Variants in LHFPL6 observed in about 807,000 individuals in gnomAD.
LHFPL6 encodes the protein LHFPL tetraspan subfamily member 6.
In LHFPL6, 9 loss-of-function variants were observed where a neutral mutation model predicts 20.6. The observed-to-expected ratio is 0.44, with a 90% confidence interval of 0.26 to 0.76. LHFPL6 has a LOEUF of 0.76. Ranked by LOEUF, LHFPL6 falls within the 30% of genes least tolerant of loss-of-function variation. LHFPL6 has a pLI of 0.20. For missense variants in LHFPL6, 218 were observed against 253.5 expected, an observed-to-expected ratio of 0.86 and a Z score of 0.95; for synonymous variants, 105 against 98.7, an observed-to-expected ratio of 1.06 and a Z score of -0.38.
chr13:39,587,285 A>G (rs1872478334), intron 2 of LHFPL6, among the ~76,000 whole-genome samples: 1 of 152,118 alleles, frequency 6.6e-6, no homozygotes. Flanking sequence ...ATCTATTACC[A>G]TTCCCTGAAC....
In LHFPL6 at chr13:39,560,504, C is replaced by CTTTTTTTTTTT. The variant is rs376446144; in HGVS notation, c.385+40317_385+40327dup. Among the ~76,000 whole-genome samples, 13 of 118,176 alleles carry CTTTTTTTTTTT rather than the reference C, an allele frequency of 1.1e-4. 1 individual carries two copies. Among genetic ancestry groups the CTTTTTTTTTTT allele is most frequent in the South Asian group, 3.0e-4 (1 of 3,368 alleles). 77.5% of individuals were successfully genotyped at this position (118,176 alleles called of 152,430 possible). ...ATCTCCTTTGGGTTATGCAAATTCTCTTTTTTTTTTTTTTTTTTTTCTTTT... is the reference window on the plus strand; with the variant it reads ...ATCTCCTTTGGGTTATGCAAATTCTCTTTTTTTTTTTTTTTTTTTTTTTTTTTTTTTCTTTT... On this transcript the variant is annotated intron_variant, in intron 2 of 3. Transcript: ENST00000379589.
At chr13:39,450,580 TAGATTCTAAG>T (rs1872415301) in intron 2 of LHFPL6, among the ~76,000 whole-genome samples, 1 of 152,170 alleles carries the variant, frequency 6.6e-6, no homozygotes, top group Non-Finnish European at 1.5e-5. Context: ...TATCCATGCT[TAGATTCTAAG>T]AACTTCAAGC....
At chr13:39,464,776 A>G (rs1481607008) in intron 2 of LHFPL6, among the ~76,000 whole-genome samples, 1 of 150,482 alleles carries the variant, frequency 6.6e-6, no homozygotes, top group Non-Finnish European at 1.5e-5. Flanking sequence ...AATAAAGTAT[A>G]TGACCTATTC....
At chr13:39,420,625 G>A (rs533395682) in intron 2 of LHFPL6, among the ~76,000 whole-genome samples, 1 of 152,274 alleles carries the variant, frequency 6.6e-6, no homozygotes, top group South Asian at 2.1e-4. Flanking sequence ...CTTTCAGTAG[G>A]GAAGAAGGAG....
intron 2 of LHFPL6, among the ~76,000 whole-genome samples, chr13:39,415,043 C>T (rs1342941527): frequency 6.6e-6 from 1 of 152,178 alleles, no homozygotes; most frequent in Non-Finnish European, 1.5e-5. Flanking sequence ...CCTTTCTAAC[C>T]CGTCTGTGGC....
intron 3 of LHFPL6, among the ~76,000 whole-genome samples, chr13:39,352,913 ATATATATATAAATG>A (rs1869619727): frequency 1.9e-5 from 1 of 53,992 alleles, no homozygotes; most frequent in Admixed American, 2.1e-4. Flanking sequence ...ATATAAATGT[ATATATATATAAATG>A]TATATATATG....
chr13:39,375,506 C>T (rs1437943325), intron 3 of LHFPL6, among the ~76,000 whole-genome samples: 5 of 152,064 alleles, frequency 3.3e-5, no homozygotes, highest in Non-Finnish European at 5.9e-5. Flanking sequence ...GCCTGGCCAA[C>T]ACGGCGAAAC....
chr13:39,482,510 TAGCTTGTG>T (rs1172067423), intron 2 of LHFPL6, among the ~76,000 whole-genome samples: 1 of 151,036 alleles, frequency 6.6e-6, no homozygotes, highest in Non-Finnish European at 1.5e-5. Flanking sequence ...AAGATAAGAA[TAGCTTGTG>T]ATTTATCAAG....
intron 2 of LHFPL6, among the ~76,000 whole-genome samples, chr13:39,383,943 C>T (rs111477753): frequency 4.6e-4 from 70 of 152,342 alleles, no homozygotes; most frequent in African/African-American, 1.5e-3. Flanking sequence ...GATCCCAGCA[C>T]TTCCTGATTT....
At chr13:39,582,434 T>A (rs1038168269) in intron 2 of LHFPL6, among the ~76,000 whole-genome samples, 15 of 152,072 alleles carry the variant, frequency 9.9e-5, no homozygotes, top group African/African-American at 3.6e-4. Flanking sequence ...AGGAAATCAA[T>A]GCAGAGCCAA....
intron 2 of LHFPL6, among the ~76,000 whole-genome samples, chr13:39,569,088 T>G (rs777465272): frequency 3.9e-5 from 6 of 152,070 alleles, no homozygotes; most frequent in South Asian, 4.1e-4. Context: ...ATCTTTGGCC[T>G]TAGCTCAGTT....
rs189427088 is a variant in LHFPL6 at position 39,438,695 on chromosome 13, G to A, written c.386-60169C>T. Among the ~76,000 whole-genome samples the A allele has an allele frequency of 9.8e-4, 149 of 152,318 alleles. 1 individual carries two copies. The South Asian group carries it at 0.014, about 14-fold the overall frequency. On this transcript the variant is annotated intron_variant, in intron 2 of 3. Transcript: ENST00000379589. ...CTCAGAACCCTGCTTGCTGCATCCTGGCCGTTTCAGCTACAGCTGTGGTTC... is the reference window on the plus strand; with the variant it reads ...CTCAGAACCCTGCTTGCTGCATCCTAGCCGTTTCAGCTACAGCTGTGGTTC...
rs573091202 is a variant in LHFPL6 at position 39,470,018 on chromosome 13, C to G, written c.386-91492G>C. Among the ~76,000 whole-genome samples, 15 of 152,228 alleles carry G rather than the reference C, an allele frequency of 9.9e-5. No homozygotes were observed. The South Asian group carries it at 2.7e-3, about 27-fold the overall frequency. On this transcript the variant is annotated intron_variant, in intron 2 of 3. Transcript: ENST00000379589. ...GATGTGAAGGAACATCAGGAAAGTA[C>G]TGCAAGAAGCAATATGTATCTGCAG...
chr13:39,372,995 C>T (rs893506638), intron 3 of LHFPL6, among the ~76,000 whole-genome samples: 4 of 152,182 alleles, frequency 2.6e-5, no homozygotes, highest in African/African-American at 9.7e-5. Context: ...TCACCCCAGA[C>T]CACATGCAGA....
intron 2 of LHFPL6, among the ~76,000 whole-genome samples, chr13:39,536,906 C>G (rs10459367): frequency 0.096 from 14,579 of 152,188 alleles, 855 homozygotes; most frequent in East Asian, 0.29. Context: ...TGTTATTTTT[C>G]AACTCCTGAC....
rs117768039 is a variant in LHFPL6, at chr13:39,556,039, C to T, written c.385+44793G>A. The stretch of plus-strand genomic sequence containing the variant: ...CCACTCTTGCCATGTGACACACCTG[C>T]TCCCCCTTTGCCTTCCACCAAGATT... On this transcript the variant is annotated intron_variant, in intron 2 of 3. Coordinates refer to ENST00000379589, the MANE Select transcript of LHFPL6 (RefSeq NM_005780.3). Among the ~76,000 whole-genome samples, 1,423 of 152,312 alleles carry T rather than the reference C, an allele frequency of 9.3e-3. 15 individuals carry two copies. The highest frequency in any genetic ancestry group is 0.014 in the Non-Finnish European group (942 of 68,026).
intron 2 of LHFPL6, among the ~76,000 whole-genome samples, chr13:39,422,326 CA>C (rs2138397064): frequency 6.6e-6 from 1 of 152,218 alleles, no homozygotes; most frequent in East Asian, 1.9e-4. Context: ...AGGCCGGGAG[CA>C]GTGGCTCACG....
At chr13:39,350,993 C>T (rs917484021) in intron 3 of LHFPL6, among the ~76,000 whole-genome samples, 10 of 152,106 alleles carry the variant, frequency 6.6e-5, no homozygotes, top group African/African-American at 1.7e-4. Context: ...TTCCAGTGAT[C>T]GTTTCATCTT....
intron 2 of LHFPL6, among the ~76,000 whole-genome samples, chr13:39,423,618 C>T (rs1360548721): frequency 6.6e-6 from 1 of 151,974 alleles, no homozygotes; most frequent in Admixed American, 6.6e-5. Flanking sequence ...AATGCAAAAG[C>T]TGACACACAA....
Sources: allele counts gnomAD v4.1 joint callset (sites outside exome capture counted in the v4.1 genomes callset), GRCh38; gene constraint gnomAD v4.1.1; transcripts MANE v1.5; gene names NCBI Gene and HGNC (gene_info 2026-07-23, HGNC 2026-07-21).